GALNT11: variants seen among roughly 807,000 people sequenced by gnomAD.
GALNT11 encodes the protein polypeptide N-acetylgalactosaminyltransferase 11.
Under a neutral mutation model 72.7 loss-of-function variants are expected in GALNT11, and 47 were observed. The observed-to-expected ratio is 0.65, with a 90% CI of 0.51 to 0.82. The LOEUF is 0.82. Among genes scored for constraint, GALNT11 ranks in the 40% least tolerant of loss-of-function variants. The pLI, the probability that GALNT11 is intolerant of heterozygous loss-of-function variation, is 0.00. For synonymous variants in GALNT11, 270 were observed against 286.6 expected, an observed-to-expected ratio of 0.94 and a Z score of 0.58; for missense variants, 677 against 778.4, an observed-to-expected ratio of 0.87 and a Z score of 1.55.
intron 1 of GALNT11, among the ~76,000 whole-genome samples, chr7:152,049,351 C>T (rs892619878): frequency 2.0e-5 from 3 of 152,168 alleles, no homozygotes; most frequent in African/African-American, 4.8e-5. Context: ...TAGATGACAC[C>T]CCAAGCCCAG....
chr7:152,111,245 T>A (rs2088160999), intron 7 of GALNT11, among the ~76,000 whole-genome samples: 1 of 152,200 alleles, frequency 6.6e-6, no homozygotes, highest in Admixed American at 6.5e-5. Context: ...CTTGAACTCC[T>A]GGGCTCAAGC....
chr7:152,066,525 G>A lies in GALNT11; in HGVS notation c.-38-27665G>A, dbSNP rs552502010. ...AATGCAGAAATCACCCGTCTTCTGC[G>A]TCACTCACGCTGGGAGCTGTAGACT... is the stretch of plus-strand genomic sequence containing the variant. On this transcript the variant is annotated intron_variant, in intron 1 of 11. Transcript: ENST00000430044. Among the ~76,000 whole-genome samples the A allele has an allele frequency of 4.9e-4, 75 of 152,286 alleles. 1 individual carries two copies. The highest frequency in any genetic ancestry group is 1.4e-3 in the African/African-American group (58 of 41,540).
At chr7:152,031,906 G>A (rs553188393) in intron 1 of GALNT11, among the ~76,000 whole-genome samples, 8 of 152,256 alleles carry the variant, frequency 5.3e-5, no homozygotes, top group African/African-American at 7.2e-5. Flanking sequence ...TGGCAAAAGC[G>A]GTGATTTGAA....
intron 1 of GALNT11, among the ~76,000 whole-genome samples, chr7:152,081,093 T>C (rs2085298866): frequency 6.6e-6 from 1 of 152,214 alleles, no homozygotes; most frequent in Non-Finnish European, 1.5e-5. Context: ...TTATTTAAGA[T>C]TTTCATTAAA....
chr7:152,103,367 C>A, intron 4 of GALNT11, 89 bp downstream of exon 4: 3 of 1,368,636 alleles, frequency 2.2e-6, no homozygotes, highest in Non-Finnish European at 3.0e-6. Flanking sequence ...CTTTCAAGTA[C>A]GTGGTAGGTG....
At chr7:152,076,731 C>T (rs56357810) in intron 1 of GALNT11, among the ~76,000 whole-genome samples, 30,570 of 152,116 alleles carry the variant, frequency 0.2, 4,141 homozygotes, top group Middle Eastern at 0.31. Flanking sequence ...GAACACTGTG[C>T]GGGATAGTAA....
At chr7:152,078,269 G>A (rs1348642267) in intron 1 of GALNT11, among the ~76,000 whole-genome samples, 1 of 152,162 alleles carries the variant, frequency 6.6e-6, no homozygotes, top group Admixed American at 6.5e-5. Context: ...AGGCTGGAGT[G>A]CAATGGTACA....
chr7:152,070,062 T>A (rs923572830), intron 1 of GALNT11, among the ~76,000 whole-genome samples: 2 of 151,104 alleles, frequency 1.3e-5, no homozygotes, highest in African/African-American at 2.5e-5. Flanking sequence ...AGTGGTGTGA[T>A]CTTGGCTCAC....
intron 1 of GALNT11, among the ~76,000 whole-genome samples, chr7:152,027,153 G>A (rs1203135673): frequency 2.0e-5 from 3 of 152,292 alleles, no homozygotes; most frequent in Non-Finnish European, 4.4e-5. Context: ...GGAGGCTGAG[G>A]CAGGAGAATG....
Position 152,108,293 on chromosome 7 carries a change from A to T in GALNT11, c.962+6A>T. The T allele has an allele frequency of 6.3e-7, 1 of 1,597,790 alleles. No individual in the cohort carries two copies. Among genetic ancestry groups the T allele is most frequent in the Non-Finnish European group, 8.6e-7 (1 of 1,166,824 alleles). On this transcript the variant is annotated splice_donor_region_variant and intron_variant, in intron 6 of 11. Coordinates refer to ENST00000430044, the MANE Select transcript of GALNT11 (RefSeq NM_022087.4). ...GGAGCCACTGCACCAATAAAGTAAG[A>T]TCGCTCCTTTGTTTGACAAATTCCT...
At chr7:152,109,139 C>T (rs1383232409) in intron 6 of GALNT11, among the ~76,000 whole-genome samples, 1 of 152,250 alleles carries the variant, frequency 6.6e-6, no homozygotes, top group African/African-American at 2.4e-5. Flanking sequence ...CCTGTTCTTT[C>T]TGCAGCTGTA....
At chr7:152,108,417 T>C (rs1450858491) in intron 6 of GALNT11, 130 bp downstream of exon 6, 1 of 1,379,654 alleles carries the variant, frequency 7.2e-7, no homozygotes, top group Non-Finnish European at 9.8e-7. Context: ...CGTTAAAAAT[T>C]CTTGAGTACG....
chr7:152,044,886 G>A (rs776429050), intron 1 of GALNT11, among the ~76,000 whole-genome samples: 2 of 151,634 alleles, frequency 1.3e-5, no homozygotes, highest in Admixed American at 6.6e-5. Flanking sequence ...AAAACTTTCA[G>A]TCTTCCCCAA....
intron 1 of GALNT11, among the ~76,000 whole-genome samples, chr7:152,088,806 T>G (rs1443769758): frequency 2.6e-5 from 4 of 152,258 alleles, no homozygotes; most frequent in African/African-American, 9.6e-5. Context: ...GTTGGTGTTA[T>G]GCATTTATGT....
At chr7:152,039,237 A>G (rs1447597146) in intron 1 of GALNT11, among the ~76,000 whole-genome samples, 4 of 152,216 alleles carry the variant, frequency 2.6e-5, no homozygotes, top group Non-Finnish European at 4.4e-5. Context: ...CTGTTCTGCA[A>G]TGCAATTTTC....
intron 3 of GALNT11, 50 bp from the exon 4 acceptor site, chr7:152,103,062 C>T: frequency 1.3e-6 from 2 of 1,521,882 alleles, no homozygotes; most frequent in Non-Finnish European, 1.8e-6. Context: ...ATAATCTAAA[C>T]CATTCGAGCC....
chr7:152,072,478 G>T (rs2084715167), intron 1 of GALNT11, among the ~76,000 whole-genome samples: 1 of 152,152 alleles, frequency 6.6e-6, no homozygotes, highest in Non-Finnish European at 1.5e-5. Context: ...TAAGCCTTAT[G>T]TAGCAAATGT....
At chr7:152,053,794 G>C (rs1213243666) in intron 1 of GALNT11, among the ~76,000 whole-genome samples, 1 of 152,146 alleles carries the variant, frequency 6.6e-6, no homozygotes, top group East Asian at 1.9e-4. Context: ...AGGAGTTTGA[G>C]ACCAGCCTGA....
At position 152,117,213 on chromosome 7, in the gene GALNT11, T is replaced by C. The variant is rs2088951488; in HGVS notation, c.1290T>C (p.Ser430=). The change falls in exon 9 of 12, where the codon AGT becomes AGC. Residue 430 remains serine, a synonymous_variant. Transcript: ENST00000430044. ...AGACGAAAAGCTATGGCAATATCAG[T>C]GAGCGTGTGGAACTGAGAAAGAAGT... The part of the protein sequence containing the change: ...DLKTKSYGNI[S]ERVELRKKLG... 16 of 1,614,034 alleles carry C rather than the reference T, an allele frequency of 9.9e-6. No individual in the cohort carries two copies. The highest frequency in any genetic ancestry group is 1.4e-5 in the Non-Finnish European group (16 of 1,180,042).
Sources: gnomAD v4.1 joint callset for allele counts (sites outside exome capture counted in the v4.1 genomes callset) on GRCh38, gnomAD v4.1.1 for gene constraint, MANE v1.5 for transcripts, NCBI Gene and HGNC (gene_info 2026-07-23, HGNC 2026-07-21) for gene names.